GRK4: variants seen among roughly 807,000 people sequenced by gnomAD.
GRK4 encodes G protein-coupled receptor kinase 2-like.
Under a neutral mutation model 77.9 loss-of-function variants are expected in GRK4, and 73 were observed. That is an observed-to-expected ratio of 0.94 (90% confidence interval 0.78 to 1.14). The LOEUF is 1.14. Ranked by LOEUF, GRK4 falls within the 50% of genes most tolerant of loss-of-function variation. The pLI is 0.00. For missense variants in GRK4, 729 were observed against 700.2 expected, an observed-to-expected ratio of 1.04 and a Z score of -0.46; for synonymous variants, 257 against 254.4, an observed-to-expected ratio of 1.01 and a Z score of -0.10.
At chr4:3,006,509 A>G (rs560045550) in intron 5 of GRK4, among the ~76,000 whole-genome samples, 2 of 151,802 alleles carry the variant, frequency 1.3e-5, no homozygotes, top group Admixed American at 6.6e-5. Context: ...GCTGGGTGCC[A>G]TGGCTCATGC....
chr4:3,029,173 A>G (rs1266727185), intron 11 of GRK4, 28 bp from the exon 12 acceptor site: 2 of 1,542,750 alleles, frequency 1.3e-6, no homozygotes, highest in South Asian at 1.2e-5. Context: ...ATTTAACTTA[A>G]TTTCCATTTC....
intron 1 of GRK4, among the ~76,000 whole-genome samples, chr4:2,976,121 C>T (rs548584834): frequency 1.3e-5 from 2 of 152,332 alleles, no homozygotes; most frequent in Non-Finnish European, 2.9e-5. Flanking sequence ...CAGCCCTTTT[C>T]TGCCTATAAA....
intron 3 of GRK4, 71 bp from the exon 4 acceptor site, chr4:2,992,144 G>A: frequency 9.4e-7 from 1 of 1,065,416 alleles, no homozygotes; most frequent in Non-Finnish European, 1.4e-6. Context: ...GTCCCAAGTG[G>A]CTGGAACTAC....
At chr4:2,985,418 T>A (rs1284078498) in intron 2 of GRK4, among the ~76,000 whole-genome samples, 4 of 144,870 alleles carry the variant, frequency 2.8e-5, no homozygotes, top group Admixed American at 6.9e-5. Flanking sequence ...AAAAAAAAAA[T>A]TATTGAGCCA....
chr4:3,028,872 A>G (rs532376558), intron 11 of GRK4, among the ~76,000 whole-genome samples: 1 of 152,110 alleles, frequency 6.6e-6, no homozygotes, highest in South Asian at 2.1e-4. Flanking sequence ...CCCAGGCACA[A>G]GCGATTCTCC....
At position 2,988,720 on chromosome 4, in the gene GRK4, C is replaced by T; in HGVS notation, c.149-7C>T. The T allele has an allele frequency of 6.6e-7, 1 of 1,516,532 alleles. No homozygotes were observed. Among genetic ancestry groups the T allele is most frequent in the Non-Finnish European group, 9.2e-7 (1 of 1,090,994 alleles). 93.9% of individuals were successfully genotyped at this position (1,516,532 alleles called of 1,614,324 possible). ...TTGTTTGCTTCTTATCCCTTTGCTT[C>T]ACCCAGAAAAGGATTATAGCAGTCT... On this transcript the variant is annotated splice_polypyrimidine_tract_variant and splice_region_variant and intron_variant, in intron 2 of 15. Transcript: ENST00000398052.
At chr4:2,967,621 A>T (rs1577912354) in intron 1 of GRK4, among the ~76,000 whole-genome samples, 1 of 151,540 alleles carries the variant, frequency 6.6e-6, no homozygotes, top group Non-Finnish European at 1.5e-5. Context: ...CTAGTCTTGA[A>T]CTCCTGACCT....
chr4:3,024,054 T>A (rs1175861497), intron 10 of GRK4, among the ~76,000 whole-genome samples: 1 of 152,150 alleles, frequency 6.6e-6, no homozygotes, highest in Non-Finnish European at 1.5e-5. Context: ...CCCCACATGT[T>A]TGAGCTGAGC....
Position 3,037,467 on chromosome 4 carries a change from G to A in GRK4, c.1501G>A (p.Ala501Thr). ...GGACACCGCAGATGAAGACTTCTATGCTCGGTTTGCTACCGGGTGTGTCTC... is the reference window on the plus strand; with the variant it reads ...GGACACCGCAGATGAAGACTTCTATACTCGGTTTGCTACCGGGTGTGTCTC... ...YLDTADEDFY[A>T]RFATGCVSIP... Residue 501 changes from alanine (A) to threonine (T), a missense_variant, in exon 14 of 16, where the codon GCT (alanine) becomes ACT (threonine). Coordinates refer to ENST00000398052, the MANE Select transcript of GRK4 (RefSeq NM_182982.3). 1 of 1,611,170 alleles carries A rather than the reference G, an allele frequency of 6.2e-7. No homozygotes were observed. The highest frequency in any genetic ancestry group is 8.5e-7 in the Non-Finnish European group (1 of 1,177,528).
At chr4:2,979,724 C>G (rs970509035) in intron 1 of GRK4, among the ~76,000 whole-genome samples, 2 of 151,924 alleles carry the variant, frequency 1.3e-5, no homozygotes, top group East Asian at 1.9e-4. Flanking sequence ...CCTACCCCCC[C>G]AAAAAAAATC....
At position 3,035,383 on chromosome 4, in the gene GRK4, C is replaced by G. The variant is rs1348196342; in HGVS notation, c.1270-3C>G. On this transcript the variant is annotated splice_polypyrimidine_tract_variant and splice_region_variant and intron_variant, in intron 12 of 15. Transcript: ENST00000398052. ...AAGTGGGTTGCATTTCTGCCTCTTG[C>G]AGTTACTCACCAAGAATCCAAGCAA... is the stretch of plus-strand genomic sequence containing the variant. 6.2e-7 allele frequency: 1 copy of G among 1,613,716 alleles called. No homozygotes were observed. The highest frequency in any genetic ancestry group is 8.5e-7 in the Non-Finnish European group (1 of 1,179,910).
chr4:3,038,343 C>A (rs367619372), intron 14 of GRK4, 33 bp from the exon 15 acceptor site: 1 of 1,611,786 alleles, frequency 6.2e-7, no homozygotes, highest in African/African-American at 1.3e-5. Flanking sequence ...AGTTTCTCTG[C>A]GGCTTCTCTG....
chr4:2,979,880 G>C (rs1578013369), intron 1 of GRK4, among the ~76,000 whole-genome samples: 1 of 151,884 alleles, frequency 6.6e-6, no homozygotes, highest in East Asian at 1.9e-4. Flanking sequence ...TCTCAAAAAA[G>C]AAAAAAAATG....
At chr4:3,037,774 G>A (rs1741197427) in intron 14 of GRK4, among the ~76,000 whole-genome samples, 1 of 152,076 alleles carries the variant, frequency 6.6e-6, no homozygotes, top group Admixed American at 6.5e-5. Context: ...AATTAGCCAG[G>A]CATGGTGGCA....
At chr4:3,039,090 C>G (rs542835430) in intron 15 of GRK4, among the ~76,000 whole-genome samples, 5 of 152,132 alleles carry the variant, frequency 3.3e-5, no homozygotes, top group Non-Finnish European at 7.3e-5. Context: ...GTGGCACATG[C>G]CTGTAGTCCC....
intron 3 of GRK4, 94 bp downstream of exon 3, chr4:2,988,933 C>T: frequency 2.6e-6 from 2 of 776,264 alleles, no homozygotes; most frequent in Admixed American, 1.9e-5. Context: ...TGCTGTAATC[C>T]CAGCATTTTG....
At chr4:3,020,428 T>A (rs1006370670) in intron 9 of GRK4, among the ~76,000 whole-genome samples, 1 of 152,236 alleles carries the variant, frequency 6.6e-6, no homozygotes, top group Non-Finnish European at 1.5e-5. Flanking sequence ...TTCTTAGGTA[T>A]GTTGATAGTT....
chr4:3,018,480 G>A (rs767035346), intron 8 of GRK4, among the ~76,000 whole-genome samples: 1 of 152,096 alleles, frequency 6.6e-6, no homozygotes, highest in Non-Finnish European at 1.5e-5. Flanking sequence ...TCCAGCCTGG[G>A]CAACATAGCA....
intron 1 of GRK4, among the ~76,000 whole-genome samples, 170 bp downstream of exon 1, chr4:2,964,292 CTG>C (rs1363453920): frequency 6.6e-6 from 1 of 152,216 alleles, no homozygotes; most frequent in Non-Finnish European, 1.5e-5. Context: ...GAGCCGGGGT[CTG>C]TGCAGTGTGG....
Sources: allele counts gnomAD v4.1 joint callset (sites outside exome capture counted in the v4.1 genomes callset), GRCh38; gene constraint gnomAD v4.1.1; transcripts MANE v1.5; gene names NCBI Gene and HGNC (gene_info 2026-07-23, HGNC 2026-07-21).